Variants in MPP4 observed in about 807,000 individuals in gnomAD.
The protein encoded by MPP4 is MAGUK p55 scaffold protein 4.
MPP4 carries 91 observed loss-of-function variants against 98.3 expected under a neutral mutation model. That is an observed-to-expected ratio of 0.93 (90% CI 0.78 to 1.10). The LOEUF (loss-of-function observed/expected upper bound fraction) is 1.10. MPP4 is among the 50% of genes least tolerant of loss of function. The probability of loss-of-function intolerance (pLI) is 0.00; values close to 1 mark genes in which losing one functional copy is unlikely to be tolerated. For missense variants in MPP4, 744 were observed against 792.9 expected (o/e 0.94, Z 0.74); for synonymous variants, 261 against 271.8 (o/e 0.96, Z 0.39).
chr2:201,675,379 C>A, intron 10 of MPP4, 108 bp from the exon 11 acceptor site: 2 of 1,109,970 alleles, frequency 1.8e-6, no homozygotes, highest in Non-Finnish European at 2.6e-6. Flanking sequence ...TCTTAGAATT[C>A]TGCTGCCTTC....
intron 18 of MPP4, chr2:201,651,457 C>T (rs2105912129): frequency 1.0e-6 from 1 of 985,368 alleles, no homozygotes; most frequent in South Asian, 4.7e-5. Flanking sequence ...TCCTTTGCTT[C>T]CACTGGACTA....
Position 201,656,316 on chromosome 2 carries a change from C to CG in MPP4, c.1181dup (p.Leu395AlafsTer48), listed in dbSNP as rs2105915802. On this transcript the variant is annotated frameshift_variant, in exon 17 of 22. Transcript: ENST00000409474. LOFTEE classifies it high-confidence loss of function. ...CGGTGCAGCACACACTGGCATGCAGCGGGCTGAGGTGAGACTTCCTGCGAC... is the reference window on the plus strand; with the variant it reads ...CGGTGCAGCACACACTGGCATGCAGCGGGGCTGAGGTGAGACTTCCTGCGAC... 1.3e-6 allele frequency: 2 copies of CG among 1,562,392 alleles called. No homozygotes were observed. Among genetic ancestry groups the CG allele is most frequent in the East Asian group, 2.4e-5 (1 of 41,838 alleles).
intron 2 of MPP4, among the ~76,000 whole-genome samples, chr2:201,693,324 T>C (rs1689092445): frequency 6.6e-6 from 1 of 152,162 alleles, no homozygotes; most frequent in Non-Finnish European, 1.5e-5. Context: ...ATGTAAGATG[T>C]CATGAAAGGA....
intron 7 of MPP4, among the ~76,000 whole-genome samples, chr2:201,684,767 G>C (rs1356989553): frequency 6.6e-6 from 1 of 151,714 alleles, no homozygotes; most frequent in African/African-American, 2.4e-5. Context: ...TGGCTAACAC[G>C]GTGAAACCCC....
At chr2:201,664,250 G>A (rs1461283286) in intron 13 of MPP4, 149 bp from the exon 14 acceptor site, 1 of 1,487,456 alleles carries the variant, frequency 6.7e-7, no homozygotes, top group East Asian at 2.7e-5. Context: ...TCGAATCGAT[G>A]GTGTCTCTAT....
At chr2:201,693,836 T>C (rs1559020613) in intron 2 of MPP4, 40 bp downstream of exon 2, 1 of 1,608,716 alleles carries the variant, frequency 6.2e-7, no homozygotes, top group Non-Finnish European at 8.5e-7. Flanking sequence ...AGAGGTGATA[T>C]TACTTTCTGG....
chr2:201,653,413 G>A (rs1005101567), intron 18 of MPP4, among the ~76,000 whole-genome samples: 3 of 152,100 alleles, frequency 2.0e-5, no homozygotes, highest in South Asian at 2.1e-4. Context: ...TCAGTGGGTC[G>A]GGAACACCCA....
At chr2:201,686,262 A>C (rs1688829692) in intron 5 of MPP4, among the ~76,000 whole-genome samples, 1 of 152,186 alleles carries the variant, frequency 6.6e-6, no homozygotes, top group South Asian at 2.1e-4. Context: ...TTTGCAGATA[A>C]GGAAATAAGG....
intron 12 of MPP4, 68 bp downstream of exon 12, chr2:201,669,665 C>A (rs1688285577): frequency 2.5e-6 from 3 of 1,193,870 alleles, no homozygotes; most frequent in East Asian, 2.8e-5. Context: ...AAAGTGAATT[C>A]TTTAAACTAC....
At chr2:201,658,931 T>C (rs1220960189) in intron 15 of MPP4, among the ~76,000 whole-genome samples, 10 of 152,250 alleles carry the variant, frequency 6.6e-5, no homozygotes, top group East Asian at 1.9e-4. Flanking sequence ...CCCCCTGCTG[T>C]TGTTGCTCAC....
At chr2:201,681,339 AT>A (rs1394953466) in intron 9 of MPP4, among the ~76,000 whole-genome samples, 156 bp downstream of exon 9, 1 of 152,024 alleles carries the variant, frequency 6.6e-6, no homozygotes, top group Non-Finnish European at 1.5e-5. Context: ...TCATTTACTT[AT>A]TTTGCTTCTC....
At chr2:201,696,133 C>A (rs1353120888) in intron 1 of MPP4, among the ~76,000 whole-genome samples, 1 of 152,150 alleles carries the variant, frequency 6.6e-6, no homozygotes, top group East Asian at 1.9e-4. Context: ...AGACAACTTT[C>A]CCCTACACAT....
chr2:201,678,459 A>G (rs1220419285), intron 10 of MPP4, among the ~76,000 whole-genome samples: 1 of 151,166 alleles, frequency 6.6e-6, no homozygotes, highest in Admixed American at 6.6e-5. Context: ...CTGCAGCCCA[A>G]CTCTCCCTGT....
intron 18 of MPP4, chr2:201,650,745 C>A (rs751040809): frequency 4.8e-5 from 47 of 985,236 alleles, no homozygotes; most frequent in Non-Finnish European, 5.7e-5. Flanking sequence ...ATGGAGAAAG[C>A]CCATGACATT....
chr2:201,668,497 C>T (rs1688247191), intron 12 of MPP4, among the ~76,000 whole-genome samples: 1 of 151,420 alleles, frequency 6.6e-6, no homozygotes, highest in South Asian at 2.1e-4. Context: ...TCTCTCTCTT[C>T]TTTCTCTCTC....
intron 10 of MPP4, chr2:201,680,294 G>T (rs1036110818): frequency 4.6e-5 from 7 of 153,422 alleles, no homozygotes; most frequent in Admixed American, 4.5e-4. Context: ...AGATGTATTT[G>T]CTCATAGTTC....
chr2:201,651,503 G>A (rs1687711221), intron 18 of MPP4: 8 of 985,404 alleles, frequency 8.1e-6, no homozygotes, highest in African/African-American at 1.7e-5. Context: ...GTGAATTGAT[G>A]TATAACTCGA....
rs779590726 is a variant in MPP4 at position 201,675,274 on chromosome 2, A to G, written c.930-3T>C. 8 of 1,598,268 alleles carry G rather than the reference A, an allele frequency of 5.0e-6. No individual in the cohort carries two copies. In the South Asian group the frequency reaches 9.0e-5, roughly 18 times the overall value. The stretch of plus-strand genomic sequence containing the variant: ...ACCACCAGAATTCCCGTTGCTTCCT[A>G]TGGGGGGGAAAAAACCATGCGACAA... On this transcript the variant is annotated splice_region_variant and splice_polypyrimidine_tract_variant and intron_variant, in intron 10 of 21. Transcript: ENST00000409474.
At position 201,656,156 on chromosome 2, in the gene MPP4, A is replaced by C. The variant is rs374759252; in HGVS notation, c.1300+42T>G. 144 of 1,531,514 alleles carry C rather than the reference A, an allele frequency of 9.4e-5. No individual in the cohort carries two copies. The African/African-American group carries it at 1.1e-3, about 12-fold the overall frequency. The allele number at this position is 1,531,514 out of a possible 1,614,324, so 94.9% of individuals were successfully genotyped here. A position where few individuals can be genotyped will look rare whatever the true frequency, so the allele number is the denominator to read the frequency against. On this transcript the variant is annotated intron_variant, in intron 17 of 21. Transcript: ENST00000409474. ...CAAGACACCTGAATCTAGAAGGAAG[A>C]CTTCTCAAGGAGGAGGAGAGACAGT...
Sources: allele counts gnomAD v4.1 joint callset (sites outside exome capture counted in the v4.1 genomes callset), GRCh38; gene constraint gnomAD v4.1.1; transcripts MANE v1.5; gene names NCBI Gene and HGNC (gene_info 2026-07-23, HGNC 2026-07-21).